Variants in THSD7B observed in about 807,000 individuals in gnomAD.
THSD7B encodes the protein thrombospondin type-1 domain-containing protein 7B.
THSD7B carries 138 observed loss-of-function variants against 213.6 expected under a neutral mutation model. The observed-to-expected ratio is 0.65, with a 90% CI of 0.56 to 0.74. THSD7B has a LOEUF of 0.74. Ranked by LOEUF, THSD7B falls within the 30% of genes least tolerant of loss-of-function variation. THSD7B has a pLI of 0.00. For synonymous variants in THSD7B, 742 were observed against 687.0 expected, an observed-to-expected ratio of 1.08 and a Z score of -1.25; for missense variants, 1,931 against 1,991.5, an observed-to-expected ratio of 0.97 and a Z score of 0.58.
Position 136,872,980 on chromosome 2 carries a change from G to A in THSD7B, c.-35-9164G>A, listed in dbSNP as rs146117602. Among the ~76,000 whole-genome samples, 1,145 of 122,598 alleles carry A rather than the reference G, an allele frequency of 9.3e-3. 7 individuals carry two copies. Among genetic ancestry groups the A allele is most frequent in the Middle Eastern group, 0.034 (5 of 148 alleles). The allele number at this position is 122,598 out of a possible 152,430, so 80.4% of individuals were successfully genotyped here. On this transcript the variant is annotated intron_variant, in intron 1 of 27. Coordinates refer to ENST00000409968, the MANE Select transcript of THSD7B (RefSeq NM_001316349.2). The stretch of plus-strand genomic sequence containing the variant: ...ATAGTTTGCAGTGAGCCGAGATCGC[G>A]CCACTGCACTCCAGCCTGGGTGACA...
intron 2 of THSD7B, among the ~76,000 whole-genome samples, chr2:136,950,398 G>A (rs2565214): frequency 6.6e-6 from 1 of 152,062 alleles, no homozygotes. Context: ...AAACCTGCAC[G>A]TTCTGCACAT....
intron 17 of THSD7B, among the ~76,000 whole-genome samples, chr2:137,594,871 C>G (rs1681930469): frequency 6.6e-6 from 1 of 151,836 alleles, no homozygotes. Context: ...TTGTTAAGAT[C>G]TTTCTTAATT....
At chr2:137,231,301 G>T (rs1017562459) in intron 8 of THSD7B, 66 bp downstream of exon 8, 3 of 1,459,274 alleles carry the variant, frequency 2.1e-6, no homozygotes, top group Non-Finnish European at 2.8e-6. Context: ...TTCCTCATTG[G>T]TGATAGAGAA....
intron 2 of THSD7B, among the ~76,000 whole-genome samples, chr2:137,043,470 G>A (rs895202205): frequency 6.6e-6 from 1 of 152,126 alleles, no homozygotes; most frequent in Non-Finnish European, 1.5e-5. Flanking sequence ...GCAGCCATTC[G>A]TTCTCTGGGG....
rs1295457894 is a variant in THSD7B, at chr2:136,982,587, G to A, written c.140-73833G>A. 2.0e-5 allele frequency among the ~76,000 whole-genome samples: 3 copies of A among 152,124 alleles called. No homozygotes were observed. In the East Asian group the frequency reaches 5.8e-4, roughly 29 times the overall value. On this transcript the variant is annotated intron_variant, in intron 2 of 27. Coordinates refer to ENST00000409968, the MANE Select transcript of THSD7B (RefSeq NM_001316349.2). ...TACCCATAAGACAAAACTTTTTAAA[G>A]CCTCGTGAGTAAAATGTGGAATTGT...
At chr2:137,523,084 G>A (rs910637446) in intron 15 of THSD7B, among the ~76,000 whole-genome samples, 4 of 152,150 alleles carry the variant, frequency 2.6e-5, no homozygotes, top group African/African-American at 7.2e-5. Context: ...ACTTTTCTTA[G>A]ACCAATGTGA....
chr2:137,610,182 G>A (rs367693049), intron 17 of THSD7B, among the ~76,000 whole-genome samples: 8 of 152,008 alleles, frequency 5.3e-5, no homozygotes, highest in African/African-American at 9.7e-5. Flanking sequence ...CAAGATTGCC[G>A]AATCCAAACC....
At chr2:136,827,897 C>T (rs1682683571) in intron 1 of THSD7B, among the ~76,000 whole-genome samples, 1 of 152,038 alleles carries the variant, frequency 6.6e-6, no homozygotes, top group Admixed American at 6.6e-5. Context: ...TAGCCCATTT[C>T]TTACCTATTT....
intron 2 of THSD7B, among the ~76,000 whole-genome samples, chr2:137,036,472 G>T (rs1291249000): frequency 6.6e-6 from 1 of 152,098 alleles, no homozygotes; most frequent in Non-Finnish European, 1.5e-5. Context: ...TCATTCTAAT[G>T]TTGTCAAAGA....
intron 17 of THSD7B, among the ~76,000 whole-genome samples, chr2:137,576,407 C>G (rs1455610271): frequency 6.6e-6 from 1 of 152,052 alleles, no homozygotes; most frequent in African/African-American, 2.4e-5. Context: ...CCAAGCATCC[C>G]TTCACATAGT....
chr2:137,477,566 T>C (rs1688219031), intron 15 of THSD7B, among the ~76,000 whole-genome samples: 1 of 151,944 alleles, frequency 6.6e-6, no homozygotes, highest in East Asian at 1.9e-4. Context: ...TTCATTTTAT[T>C]AACTGATTTC....
intron 2 of THSD7B, among the ~76,000 whole-genome samples, chr2:136,956,492 ATTTTTTT>A (rs1394100077): frequency 1.3e-5 from 2 of 150,562 alleles, no homozygotes; most frequent in African/African-American, 2.4e-5. Flanking sequence ...ATTTTTTTAA[ATTTTTTT>A]ATTTTTTATT....
At chr2:137,395,874 T>C (rs1237873866) in intron 12 of THSD7B, among the ~76,000 whole-genome samples, 1 of 148,870 alleles carries the variant, frequency 6.7e-6, no homozygotes, top group African/African-American at 2.5e-5. Context: ...ATTCAACTTC[T>C]TCCTTTTTTA....
chr2:137,626,420 C>T (rs1682630875), intron 20 of THSD7B, among the ~76,000 whole-genome samples: 1 of 146,150 alleles, frequency 6.8e-6, no homozygotes, highest in African/African-American at 2.6e-5. Context: ...GCCAAGATAG[C>T]GCCACTGCAG....
intron 12 of THSD7B, among the ~76,000 whole-genome samples, chr2:137,378,129 T>A (rs1422843135): frequency 6.6e-6 from 1 of 152,162 alleles, no homozygotes; most frequent in African/African-American, 2.4e-5. Context: ...AGAGGATCAC[T>A]GATCTATTAA....
At chr2:136,948,159 T>C (rs533839507) in intron 2 of THSD7B, among the ~76,000 whole-genome samples, 2 of 152,294 alleles carry the variant, frequency 1.3e-5, no homozygotes, top group Admixed American at 1.3e-4. Context: ...GGGTGATAGA[T>C]TGTTGACTGA....
chr2:137,197,529 A>G (rs1680788081), intron 7 of THSD7B, among the ~76,000 whole-genome samples: 2 of 152,124 alleles, frequency 1.3e-5, no homozygotes, highest in Admixed American at 1.3e-4. Context: ...AAAGAAATAA[A>G]GATACCATAC....
chr2:137,394,802 T>G (rs1356951731), intron 12 of THSD7B, among the ~76,000 whole-genome samples: 2 of 138,138 alleles, frequency 1.4e-5, no homozygotes, highest in Non-Finnish European at 3.2e-5. Flanking sequence ...GAGCATGGAA[T>G]GTTCTTCCAT....
chr2:137,570,859 GACTA>G (rs1414005213), intron 16 of THSD7B, among the ~76,000 whole-genome samples: 2 of 152,120 alleles, frequency 1.3e-5, no homozygotes, highest in Non-Finnish European at 2.9e-5. Context: ...CAAAAATATT[GACTA>G]AATGAATCAC....
Sources: allele counts gnomAD v4.1 joint callset (sites outside exome capture counted in the v4.1 genomes callset), GRCh38; gene constraint gnomAD v4.1.1; transcripts MANE v1.5; gene names NCBI Gene and HGNC (gene_info 2026-07-23, HGNC 2026-07-21).